The following NALF1 variants were observed in gnomAD, a reference collection of about 807,000 sequenced individuals.
NALF1 encodes the protein family with sequence similarity 155 member A.
NALF1 carries 3 observed loss-of-function variants against 48.4 expected under a neutral mutation model. The observed-to-expected ratio is 0.06, with a 90% CI of 0.03 to 0.16. The LOEUF (loss-of-function observed/expected upper bound fraction) is 0.16. NALF1 is among the 10% of genes least tolerant of loss of function. NALF1 has a pLI of 1.00. For missense variants in NALF1, 526 were observed against 571.5 expected, an observed-to-expected ratio of 0.92 and a Z score of 0.81; for synonymous variants, 262 against 245.7, an observed-to-expected ratio of 1.07 and a Z score of -0.62.
intron 2 of NALF1, among the ~76,000 whole-genome samples, chr13:107,173,422 G>A (rs553340595): frequency 2.0e-5 from 3 of 150,788 alleles, no homozygotes; most frequent in Admixed American, 6.6e-5. Flanking sequence ...ATACCACTTC[G>A]TTTTTTTTTC....
rs1878638731 is a variant in NALF1, at chr13:107,165,441, C to T, written c.*5056G>A. On this transcript the variant is annotated 3_prime_UTR_variant, in exon 3 of 3. Coordinates refer to ENST00000375915, the MANE Select transcript of NALF1 (RefSeq NM_001080396.3). Reference sequence around the variant, plus strand: ...GAGTTCCATCATTTGCATTACCTACCTGTGTGACCCAGGACAAAATAACCA... The same window carrying T: ...GAGTTCCATCATTTGCATTACCTACTTGTGTGACCCAGGACAAAATAACCA... The T allele has an allele frequency of 6.6e-6, 1 of 152,162 alleles. No homozygotes were observed. Among genetic ancestry groups the T allele is most frequent in the Non-Finnish European group, 1.5e-5 (1 of 68,032 alleles). The allele number at this position is 152,162 out of a possible 1,614,324, so 9.4% of individuals were successfully genotyped here.
chr13:107,560,147 G>A (rs554334948), intron 1 of NALF1, among the ~76,000 whole-genome samples: 40 of 152,240 alleles, frequency 2.6e-4, no homozygotes, highest in African/African-American at 9.4e-4. Flanking sequence ...ACTTTGAAAC[G>A]CCCGTAGAAT....
chr13:107,322,902 T>A (rs1882284306), intron 1 of NALF1, among the ~76,000 whole-genome samples: 1 of 152,100 alleles, frequency 6.6e-6, no homozygotes, highest in South Asian at 2.1e-4. Context: ...GAGTCAAGGG[T>A]GTTCCTGTTC....
intron 2 of NALF1, among the ~76,000 whole-genome samples, chr13:107,207,980 T>C (rs1382533210): frequency 6.6e-6 from 1 of 152,204 alleles, no homozygotes; most frequent in African/African-American, 2.4e-5. Flanking sequence ...AAGGGACACC[T>C]GTAACCGATG....
At chr13:107,809,694 T>C (rs2138605285) in intron 1 of NALF1, among the ~76,000 whole-genome samples, 1 of 152,232 alleles carries the variant, frequency 6.6e-6, no homozygotes, top group South Asian at 2.1e-4. Flanking sequence ...AACTGTCTTG[T>C]ATGAGATCTT....
intron 1 of NALF1, among the ~76,000 whole-genome samples, chr13:107,468,957 G>C (rs1429802602): frequency 6.6e-6 from 1 of 152,140 alleles, no homozygotes; most frequent in Non-Finnish European, 1.5e-5. Flanking sequence ...CATGATTATA[G>C]TTGGTATGTC....
chr13:107,855,971 G>A (rs1055063482), intron 1 of NALF1, among the ~76,000 whole-genome samples: 1 of 151,538 alleles, frequency 6.6e-6, no homozygotes, highest in Non-Finnish European at 1.5e-5. Flanking sequence ...ACAGTGGCAC[G>A]AATACTGCTC....
At chr13:107,481,850 T>C (rs1234610503) in intron 1 of NALF1, among the ~76,000 whole-genome samples, 2 of 152,122 alleles carry the variant, frequency 1.3e-5, no homozygotes. Flanking sequence ...TCTTTAAGTG[T>C]TTTTACCCGA....
rs1471191304 is a variant in NALF1, at chr13:107,362,888, C to A, written c.916-152133G>T. ...GAGGGATTGGGTTATCTATACATACCTTTAGGCTCATGATAAAGGTAGAAA... is the reference window on the plus strand; with the variant it reads ...GAGGGATTGGGTTATCTATACATACATTTAGGCTCATGATAAAGGTAGAAA... On this transcript the variant is annotated intron_variant, in intron 1 of 2. Coordinates refer to ENST00000375915, the MANE Select transcript of NALF1 (RefSeq NM_001080396.3). This position sits in a 1 kb window ranked among gnomAD's most constrained non-coding sequence, Gnocchi z 4.6. Among the ~76,000 whole-genome samples, 2 of 152,194 alleles carry A rather than the reference C, an allele frequency of 1.3e-5. No individual in the cohort carries two copies. Among genetic ancestry groups the A allele is most frequent in the South Asian group, 4.1e-4 (2 of 4,820 alleles).
chr13:107,427,990 A>G (rs1884308498), intron 1 of NALF1, among the ~76,000 whole-genome samples: 2 of 152,242 alleles, frequency 1.3e-5, no homozygotes. Flanking sequence ...AAAGACATCT[A>G]GTTATTTAAA....
chr13:107,830,243 C>T (rs139229748), intron 1 of NALF1, among the ~76,000 whole-genome samples: 12 of 152,302 alleles, frequency 7.9e-5, no homozygotes, highest in Admixed American at 3.3e-4. Flanking sequence ...CTTCCAAAGG[C>T]CAATCACCAC....
chr13:107,313,665 T>A (rs759222744), intron 1 of NALF1, among the ~76,000 whole-genome samples: 15 of 152,146 alleles, frequency 9.9e-5, no homozygotes, highest in African/African-American at 3.6e-4. Flanking sequence ...TACCTTAATA[T>A]GCTTATGTAA....
At chr13:107,579,838 A>C (rs7320847) in intron 1 of NALF1, among the ~76,000 whole-genome samples, 55,712 of 151,546 alleles carry the variant, frequency 0.37, 10,506 homozygotes, top group African/African-American at 0.45. Context: ...CCACCTTTTA[A>C]ACTGTTGGTG....
chr13:107,623,562 G>C (rs1253748671), intron 1 of NALF1, among the ~76,000 whole-genome samples: 1 of 152,160 alleles, frequency 6.6e-6, no homozygotes, highest in Non-Finnish European at 1.5e-5. Flanking sequence ...TGAAATATAA[G>C]TAAATGTGCC....
At chr13:107,430,711 T>G (rs946979763) in intron 1 of NALF1, among the ~76,000 whole-genome samples, 1 of 152,240 alleles carries the variant, frequency 6.6e-6, no homozygotes, top group Admixed American at 6.5e-5. Context: ...GTTGGACATT[T>G]GGGTTGGTTC....
intron 1 of NALF1, among the ~76,000 whole-genome samples, chr13:107,409,101 G>C (rs7323856): frequency 0.2 from 30,200 of 152,038 alleles, 3,206 homozygotes; most frequent in African/African-American, 0.27. Flanking sequence ...CATGGCTAAT[G>C]ACTAGGCCCC....
intron 1 of NALF1, among the ~76,000 whole-genome samples, chr13:107,293,675 A>G (rs1432527352): frequency 1.3e-5 from 2 of 152,190 alleles, no homozygotes; most frequent in East Asian, 3.9e-4. Flanking sequence ...AAAAATTAGT[A>G]TTCTCTTACA....
chr13:107,812,124 T>C (rs1879013571), intron 1 of NALF1, among the ~76,000 whole-genome samples: 1 of 152,114 alleles, frequency 6.6e-6, no homozygotes, highest in African/African-American at 2.4e-5. Flanking sequence ...TGATCAAATC[T>C]TAGTGAAGTT....
intron 1 of NALF1, among the ~76,000 whole-genome samples, chr13:107,719,219 A>G (rs919864509): frequency 3.3e-5 from 5 of 152,200 alleles, no homozygotes; most frequent in Non-Finnish European, 5.9e-5. Context: ...CACAGAGATT[A>G]TCAATTACCT....
Sources: gnomAD v4.1 joint callset for allele counts (sites outside exome capture counted in the v4.1 genomes callset) on GRCh38, gnomAD v4.1.1 for gene constraint, Gnocchi (gnomAD v3.1) non-coding constraint, MANE v1.5 for transcripts, NCBI Gene and HGNC (gene_info 2026-07-23, HGNC 2026-07-21) for gene names.